Variants in MAN1A1 observed in about 807,000 individuals in gnomAD.
The protein encoded by MAN1A1 is mannosyl-oligosaccharide 1,2-alpha-mannosidase IA.
Under a neutral mutation model 70.8 loss-of-function variants are expected in MAN1A1, and 29 were observed. The ratio of observed to expected loss-of-function variants is 0.41; its 90% CI spans 0.31 to 0.56. MAN1A1 has a LOEUF of 0.56. MAN1A1 is among the 20% of genes least tolerant of loss of function. The pLI, the probability that MAN1A1 is intolerant of heterozygous loss-of-function variation, is 0.29. For synonymous variants in MAN1A1, 349 were observed against 330.1 expected (o/e 1.06, Z -0.62); for missense variants, 747 against 841.3 (o/e 0.89, Z 1.39).
intron 8 of MAN1A1, among the ~76,000 whole-genome samples, chr6:119,198,703 T>C (rs796388996): frequency 6.6e-5 from 10 of 152,300 alleles, no homozygotes; most frequent in African/African-American, 2.4e-4. Context: ...TGCATATCTC[T>C]TTCTTGTTTG....
intron 2 of MAN1A1, among the ~76,000 whole-genome samples, chr6:119,315,040 G>A (rs1189509751): frequency 1.3e-5 from 2 of 152,186 alleles, no homozygotes; most frequent in Non-Finnish European, 2.9e-5. Flanking sequence ...GGGAGCTAAT[G>A]TGGACCAGCT....
At chr6:119,287,514 A>G (rs1776409490) in intron 5 of MAN1A1, among the ~76,000 whole-genome samples, 1 of 152,042 alleles carries the variant, frequency 6.6e-6, no homozygotes, top group Non-Finnish European at 1.5e-5. Context: ...GTTCTGAAAA[A>G]TAATTCTAAT....
intron 5 of MAN1A1, among the ~76,000 whole-genome samples, chr6:119,268,665 C>T (rs1432973429): frequency 2.0e-5 from 3 of 152,036 alleles, no homozygotes. Flanking sequence ...TGGCTCACTG[C>T]AGCCTTGACC....
At chr6:119,295,190 G>A (rs1210503932) in intron 4 of MAN1A1, among the ~76,000 whole-genome samples, 6 of 152,130 alleles carry the variant, frequency 3.9e-5, no homozygotes, top group Middle Eastern at 6.8e-3. Context: ...AAATGAACAC[G>A]TCAAAATCTG....
At chr6:119,243,693 A>G (rs1168964301) in intron 6 of MAN1A1, among the ~76,000 whole-genome samples, 1 of 152,132 alleles carries the variant, frequency 6.6e-6, no homozygotes, top group Admixed American at 6.5e-5. Context: ...AGCAACCTGC[A>G]ATTTAATTAT....
chr6:119,221,068 A>G (rs1774346664), intron 6 of MAN1A1, among the ~76,000 whole-genome samples: 1 of 150,940 alleles, frequency 6.6e-6, no homozygotes, highest in Non-Finnish European at 1.5e-5. Context: ...TTCTAAATGT[A>G]TTATCAGCAG....
At chr6:119,197,649 G>A (rs1004221394) in intron 8 of MAN1A1, among the ~76,000 whole-genome samples, 11 of 152,182 alleles carry the variant, frequency 7.2e-5, no homozygotes, top group African/African-American at 2.4e-4. Flanking sequence ...AGGTGGGAGG[G>A]CTAAGGAAAT....
At chr6:119,304,769 G>T in intron 3 of MAN1A1, among the ~76,000 whole-genome samples, 1 of 152,086 alleles carries the variant, frequency 6.6e-6, no homozygotes, top group South Asian at 2.1e-4. Context: ...CTCCAAAAAG[G>T]TTGTTTTTAG....
At chr6:119,247,197 T>C (rs1775190140) in intron 6 of MAN1A1, among the ~76,000 whole-genome samples, 1 of 152,240 alleles carries the variant, frequency 6.6e-6, no homozygotes, top group African/African-American at 2.4e-5. Flanking sequence ...TGCCAAACCA[T>C]GCTATGCATT....
At chr6:119,265,283 G>C (rs1486039204) in intron 5 of MAN1A1, among the ~76,000 whole-genome samples, 1 of 151,472 alleles carries the variant, frequency 6.6e-6, no homozygotes, top group Non-Finnish European at 1.5e-5. Flanking sequence ...AATTTTTTTT[G>C]AGACATGGTC....
chr6:119,348,947 T>C lies in MAN1A1; in HGVS notation c.119A>G (p.Glu40Gly), dbSNP rs761389222. Residue 40 changes from glutamate to glycine, a missense_variant, in exon 2 of 13, where the codon GAG (glutamate) becomes GGG (glycine). By Grantham distance (98) the Glu-to-Gly change is moderately conservative. Around this residue, in one of 2 missense-constraint regions of MAN1A1, gnomAD observed 328 missense variants for 293.1 expected, o/e 1.12. Coordinates refer to ENST00000368468, the MANE Select transcript of MAN1A1 (RefSeq NM_005907.4). The stretch of plus-strand genomic sequence containing the variant: ...GAATACCAGCAGCAGCACGAACTTC[T>C]CCGTCAGGCGGAGGGCGGCGGGGCC... The part of the protein sequence containing the change: ...GSGPAALRLT[E>G]KFVLLLVFSA... 1.1e-5 allele frequency: 17 copies of C among 1,530,702 alleles called. No homozygotes were observed. The Admixed American group carries it at 3.4e-4, about 31-fold the overall frequency. 94.8% of individuals were successfully genotyped at this position (1,530,702 alleles called of 1,614,324 possible).
At chr6:119,181,947 A>C (rs1773164125) in intron 11 of MAN1A1, among the ~76,000 whole-genome samples, 2 of 152,130 alleles carry the variant, frequency 1.3e-5, no homozygotes, top group African/African-American at 4.8e-5. Flanking sequence ...TTTTTTGAGA[A>C]ACCTCCATAC....
chr6:119,259,391 T>C (rs2114348955), intron 5 of MAN1A1, among the ~76,000 whole-genome samples: 1 of 152,328 alleles, frequency 6.6e-6, no homozygotes, highest in Non-Finnish European at 1.5e-5. Context: ...CCATATTATG[T>C]AGTAGTAATA....
intron 6 of MAN1A1, among the ~76,000 whole-genome samples, chr6:119,213,888 TA>T (rs1774120087): frequency 6.6e-6 from 1 of 152,246 alleles, no homozygotes; most frequent in South Asian, 2.1e-4. Flanking sequence ...TGTTTACCTT[TA>T]ATTTACATGT....
At chr6:119,197,633 C>A (rs1408197753) in intron 8 of MAN1A1, among the ~76,000 whole-genome samples, 2 of 152,086 alleles carry the variant, frequency 1.3e-5, no homozygotes, top group Non-Finnish European at 2.9e-5. Context: ...TGAGCTGGGT[C>A]TTGAGAGGTG....
intron 6 of MAN1A1, among the ~76,000 whole-genome samples, chr6:119,228,590 C>G (rs528224194): frequency 6.6e-6 from 1 of 151,988 alleles, no homozygotes; most frequent in African/African-American, 2.4e-5. Flanking sequence ...AGCTCAGACT[C>G]TTTTAGAAAA....
At chr6:119,271,988 A>G (rs1456420195) in intron 5 of MAN1A1, among the ~76,000 whole-genome samples, 1 of 152,200 alleles carries the variant, frequency 6.6e-6, no homozygotes, top group Non-Finnish European at 1.5e-5. Context: ...ACAAGGAAGT[A>G]AAGTGACAGA....
intron 6 of MAN1A1, among the ~76,000 whole-genome samples, chr6:119,247,121 T>A (rs1231987471): frequency 6.6e-6 from 1 of 152,208 alleles, no homozygotes; most frequent in African/African-American, 2.4e-5. Context: ...ATTTCATGGT[T>A]TTATGATTAA....
rs1043204717 is a variant in MAN1A1, at chr6:119,293,150, G to A, written c.817-2387C>T. 3.3e-5 allele frequency among the ~76,000 whole-genome samples: 5 copies of A among 151,920 alleles called. No individual in the cohort carries two copies. The South Asian group carries it at 6.2e-4, about 19-fold the overall frequency. ...ACATAATGCATTTTCTCTTCCTGCCGTGAAAATTTTGGATAATCAAGACCT... is the reference window on the plus strand; with the variant it reads ...ACATAATGCATTTTCTCTTCCTGCCATGAAAATTTTGGATAATCAAGACCT... On this transcript the variant is annotated intron_variant, in intron 4 of 12. Coordinates refer to ENST00000368468, the MANE Select transcript of MAN1A1 (RefSeq NM_005907.4).
Sources: allele counts gnomAD v4.1 joint callset (sites outside exome capture counted in the v4.1 genomes callset), GRCh38; gene constraint gnomAD v4.1.1; regional missense constraint gnomAD v4.1.1; transcripts MANE v1.5; gene names NCBI Gene and HGNC (gene_info 2026-07-23, HGNC 2026-07-21).